The following DRAM1 variants were observed in gnomAD, a reference collection of about 807,000 sequenced individuals.
The protein encoded by DRAM1 is DNA damage regulated autophagy modulator 1.
A neutral mutation model predicts 28.5 loss-of-function variants in DRAM1; 25 were observed. The observed-to-expected ratio is 0.88, with a 90% confidence interval of 0.64 to 1.23. DRAM1 has a LOEUF of 1.23. Among genes scored for constraint, DRAM1 ranks in the 50% most tolerant of loss-of-function variants. DRAM1 has a pLI of 0.00. For missense variants in DRAM1, 249 were observed against 299.2 expected (o/e 0.83, Z 1.24); for synonymous variants, 113 against 114.2 (o/e 0.99, Z 0.07).
At chr12:101,888,977 T>C (rs10745930) in intron 1 of DRAM1, among the ~76,000 whole-genome samples, 96,411 of 151,318 alleles carry the variant, frequency 0.64, 32,280 homozygotes, top group East Asian at 0.89. Context: ...GCTAATTTTG[T>C]GTTTTTGTAG....
At chr12:101,920,682 C>T (rs4764847) in intron 6 of DRAM1, among the ~76,000 whole-genome samples, 16,874 of 152,100 alleles carry the variant, frequency 0.11, 1,312 homozygotes, top group African/African-American at 0.22. Flanking sequence ...GAGGCCGAGG[C>T]GGGCAGATCA....
intron 2 of DRAM1, among the ~76,000 whole-genome samples, chr12:101,899,446 A>T (rs146633019): frequency 1.0e-3 from 159 of 152,298 alleles, no homozygotes; most frequent in African/African-American, 3.7e-3. Context: ...TGTTGAGCCC[A>T]GGAGTTCAAG....
intron 5 of DRAM1, among the ~76,000 whole-genome samples, chr12:101,917,840 T>C (rs1874316750): frequency 6.6e-6 from 1 of 152,226 alleles, no homozygotes; most frequent in Admixed American, 6.5e-5. Flanking sequence ...CAGTTCCTCT[T>C]TCCGTTGGAG....
At chr12:101,904,390 T>TTCCC in intron 3 of DRAM1, among the ~76,000 whole-genome samples, 1 of 147,406 alleles carries the variant, frequency 6.8e-6, no homozygotes, top group South Asian at 2.1e-4. Context: ...CACATATTCT[T>TTCCC]TTTTTTTTTT....
intron 1 of DRAM1, 107 bp from the exon 2 acceptor site, chr12:101,897,756 C>T: frequency 1.3e-6 from 1 of 766,458 alleles, no homozygotes; most frequent in East Asian, 2.7e-5. Context: ...TTCAAAGTGG[C>T]TGAACACCTA....
chr12:101,879,472 A>G (rs1872613136), intron 1 of DRAM1, among the ~76,000 whole-genome samples: 1 of 152,098 alleles, frequency 6.6e-6, no homozygotes, highest in African/African-American at 2.4e-5. Context: ...GTAGAGACAA[A>G]GTCTCACTAT....
chr12:101,884,055 A>G (rs1197912605), intron 1 of DRAM1, among the ~76,000 whole-genome samples: 1 of 152,106 alleles, frequency 6.6e-6, no homozygotes, highest in Non-Finnish European at 1.5e-5. Flanking sequence ...AAAGCATATC[A>G]AAAGGAAGGA....
At chr12:101,888,786 ATTTTTTTTTTT>A (rs34825466) in intron 1 of DRAM1, among the ~76,000 whole-genome samples, 12 of 107,984 alleles carry the variant, frequency 1.1e-4, no homozygotes, top group South Asian at 2.6e-4. Flanking sequence ...AAACATCTCA[ATTTTTTTTTTT>A]TTTTTTTTTT....
rs147689968 is a variant in DRAM1 at position 101,882,641 on chromosome 12, T to G, written c.131+4721T>G. Among the ~76,000 whole-genome samples, 723 of 151,408 alleles carry G rather than the reference T, an allele frequency of 4.8e-3. 4 individuals carry two copies. The highest frequency in any genetic ancestry group is 0.016 in the African/African-American group (685 of 41,558). ...AAATATTCAAATTAAAACTCACTGA[T>G]GCCAGTTGTGATCTAGTGGGTTAGC... is the stretch of plus-strand genomic sequence containing the variant. On this transcript the variant is annotated intron_variant, in intron 1 of 6. Transcript: ENST00000258534.
intron 1 of DRAM1, among the ~76,000 whole-genome samples, chr12:101,879,748 C>A (rs1872624918): frequency 6.6e-6 from 1 of 152,168 alleles, no homozygotes; most frequent in Non-Finnish European, 1.5e-5. Context: ...GTAATCCCAG[C>A]ACTTTGGGAG....
At chr12:101,918,020 T>C (rs1874325196) in intron 5 of DRAM1, among the ~76,000 whole-genome samples, 1 of 152,234 alleles carries the variant, frequency 6.6e-6, no homozygotes, top group East Asian at 1.9e-4. Flanking sequence ...ATCTTAAAAA[T>C]GTGAAAAGCA....
intron 3 of DRAM1, among the ~76,000 whole-genome samples, chr12:101,903,407 A>T (rs1873673271): frequency 6.6e-6 from 1 of 152,210 alleles, no homozygotes; most frequent in Non-Finnish European, 1.5e-5. Flanking sequence ...GGAGGACCTT[A>T]TGCTAAGTGA....
intron 2 of DRAM1, among the ~76,000 whole-genome samples, chr12:101,898,759 A>T (rs1873484318): frequency 6.6e-6 from 1 of 152,248 alleles, no homozygotes. Context: ...AGGACCATTG[A>T]CAAAGGCATT....
At chr12:101,913,398 G>A (rs1874112301) in intron 4 of DRAM1, among the ~76,000 whole-genome samples, 1 of 151,990 alleles carries the variant, frequency 6.6e-6, no homozygotes, top group Non-Finnish European at 1.5e-5. Flanking sequence ...TTTCCTTAAA[G>A]CTGTTACCTT....
At chr12:101,904,511 G>A (rs1229462299) in intron 3 of DRAM1, among the ~76,000 whole-genome samples, 1 of 130,128 alleles carries the variant, frequency 7.7e-6, no homozygotes, top group East Asian at 2.4e-4. Context: ...GCGCAATCTC[G>A]GCTCACTACA....
chr12:101,884,017 GA>G lies in DRAM1; in HGVS notation c.131+6098del, dbSNP rs577185353. 2.0e-5 allele frequency among the ~76,000 whole-genome samples: 3 copies of G among 151,266 alleles called. No homozygotes were observed. The South Asian group carries it at 6.3e-4, about 32-fold the overall frequency. On this transcript the variant is annotated intron_variant, in intron 1 of 6. Coordinates refer to ENST00000258534, the MANE Select transcript of DRAM1 (RefSeq NM_018370.3). ...ATAACAAGTTAGAATAGCATAAAGT[GA>G]TATTTCTTATTCTGAAACCATTAAC...
intron 3 of DRAM1, among the ~76,000 whole-genome samples, chr12:101,905,871 T>C (rs527863425): frequency 3.9e-5 from 6 of 152,180 alleles, no homozygotes; most frequent in Admixed American, 1.3e-4. Flanking sequence ...CTTACTGCAG[T>C]CTCCACCTCC....
chr12:101,909,722 A>G (rs1873969436), intron 4 of DRAM1, among the ~76,000 whole-genome samples: 1 of 152,248 alleles, frequency 6.6e-6, no homozygotes, highest in African/African-American at 2.4e-5. Flanking sequence ...AAATGAAAAT[A>G]TAAATTTAGC....
At chr12:101,911,459 C>T (rs1253090460) in intron 4 of DRAM1, among the ~76,000 whole-genome samples, 1 of 152,194 alleles carries the variant, frequency 6.6e-6, no homozygotes, top group Non-Finnish European at 1.5e-5. Context: ...GTCCAGGTTC[C>T]TCTGCATCAG....
Sources: gnomAD v4.1 joint callset for allele counts (sites outside exome capture counted in the v4.1 genomes callset) on GRCh38, gnomAD v4.1.1 for gene constraint, MANE v1.5 for transcripts, NCBI Gene and HGNC (gene_info 2026-07-23, HGNC 2026-07-21) for gene names.